Variants in CHRM3 observed in about 807,000 individuals in gnomAD.
The protein encoded by CHRM3 is cholinergic receptor muscarinic 3, also known as muscarinic acetylcholine receptor M3.
In CHRM3, 11 loss-of-function variants were observed where a neutral mutation model predicts 41.8. That is an observed-to-expected ratio of 0.26 (90% CI 0.17 to 0.44). The LOEUF (loss-of-function observed/expected upper bound fraction) is 0.44, where lower values mean the gene tolerates loss of function less well. CHRM3 is among the 20% of genes least tolerant of loss of function. The pLI is 1.00. For missense variants in CHRM3, 571 were observed against 745.4 expected (o/e 0.77, Z 2.72); for synonymous variants, 297 against 301.4 (o/e 0.99, Z 0.15).
intron 1 of CHRM3, among the ~76,000 whole-genome samples, chr1:239,437,635 C>T (rs1169727332): frequency 6.6e-6 from 1 of 152,184 alleles, no homozygotes; most frequent in Non-Finnish European, 1.5e-5. Context: ...CTCCCGAGTT[C>T]AAGCGATTCT....
At chr1:239,475,222 A>G (rs1666390841) in intron 1 of CHRM3, among the ~76,000 whole-genome samples, 2 of 152,154 alleles carry the variant, frequency 1.3e-5, no homozygotes, top group African/African-American at 4.8e-5. Flanking sequence ...TGTGAAGGAT[A>G]GTTTCAAGTA....
At chr1:239,467,899 A>AT (rs1553307050) in intron 1 of CHRM3, among the ~76,000 whole-genome samples, 36 of 129,262 alleles carry the variant, frequency 2.8e-4, no homozygotes, top group African/African-American at 1.1e-3. Flanking sequence ...AATTTTCCCT[A>AT]CCCCCCCCCA....
intron 6 of CHRM3, among the ~76,000 whole-genome samples, chr1:239,901,149 C>T (rs138602048): frequency 2.5e-4 from 38 of 152,272 alleles, no homozygotes; most frequent in African/African-American, 6.3e-4. Context: ...GCATGAGGCA[C>T]GCATCTTCTT....
At chr1:239,657,286 G>A (rs935290760) in intron 4 of CHRM3, among the ~76,000 whole-genome samples, 1 of 152,184 alleles carries the variant, frequency 6.6e-6, no homozygotes, top group African/African-American at 2.4e-5. Context: ...CTACATTACT[G>A]CCATTGTAAA....
intron 3 of CHRM3, among the ~76,000 whole-genome samples, chr1:239,631,807 G>A (rs190284238): frequency 6.6e-6 from 1 of 152,250 alleles, no homozygotes; most frequent in East Asian, 1.9e-4. Flanking sequence ...GGTAGCAAAT[G>A]GAATACTTGT....
At chr1:239,674,689 G>T (rs193211629) in intron 4 of CHRM3, among the ~76,000 whole-genome samples, 199 of 124,920 alleles carry the variant, frequency 1.6e-3, no homozygotes, top group South Asian at 4.1e-3. Flanking sequence ...CAGCCTGAGC[G>T]ACAGACTGAG....
chr1:239,799,466 A>T (rs1216269206), intron 5 of CHRM3, among the ~76,000 whole-genome samples: 1 of 152,058 alleles, frequency 6.6e-6, no homozygotes, highest in Non-Finnish European at 1.5e-5. Context: ...GATTCAGAGG[A>T]ACCAGGAAGC....
chr1:239,645,097 C>T (rs1671625311), intron 4 of CHRM3, among the ~76,000 whole-genome samples: 2 of 152,304 alleles, frequency 1.3e-5, no homozygotes, highest in African/African-American at 4.8e-5. Flanking sequence ...ATCTGGATGG[C>T]AGAGCCGCCC....
At chr1:239,712,378 G>A (rs1281657142) in intron 5 of CHRM3, among the ~76,000 whole-genome samples, 4 of 152,116 alleles carry the variant, frequency 2.6e-5, no homozygotes, top group Admixed American at 2.6e-4. Flanking sequence ...TTATTTGAAA[G>A]TCATTTCTTA....
chr1:239,887,282 A>G lies in CHRM3; in HGVS notation c.-19-20151A>G, dbSNP rs553850485. Among the ~76,000 whole-genome samples, 8 of 151,930 alleles carry G rather than the reference A, an allele frequency of 5.3e-5. No homozygotes were observed. The South Asian group carries it at 1.7e-3, about 32-fold the overall frequency. On this transcript the variant is annotated intron_variant, in intron 6 of 6. Transcript: ENST00000676153. Reference sequence around the variant, plus strand: ...AGTGGGGCAAGCTCAGCTCACTGCAACCTCCACCTCCTGGGTTCAAGCGAT... The same window carrying G: ...AGTGGGGCAAGCTCAGCTCACTGCAGCCTCCACCTCCTGGGTTCAAGCGAT...
chr1:239,509,187 G>T (rs1307441729), intron 2 of CHRM3, among the ~76,000 whole-genome samples: 1 of 152,240 alleles, frequency 6.6e-6, no homozygotes, highest in Non-Finnish European at 1.5e-5. Flanking sequence ...GTGAAAATGT[G>T]CAGGGGAAGA....
intron 1 of CHRM3, among the ~76,000 whole-genome samples, chr1:239,412,448 G>A (rs1197670721): frequency 6.8e-6 from 1 of 146,394 alleles, no homozygotes; most frequent in African/African-American, 2.6e-5. Flanking sequence ...ATAGTCTTGG[G>A]GTTTCCTTCA....
intron 1 of CHRM3, among the ~76,000 whole-genome samples, chr1:239,456,844 C>T (rs937367829): frequency 9.9e-5 from 15 of 152,222 alleles, no homozygotes; most frequent in African/African-American, 2.4e-5. Flanking sequence ...GTGAAGAGAG[C>T]TCTGAGCAGA....
At chr1:239,531,964 T>G (rs1174856843) in intron 2 of CHRM3, among the ~76,000 whole-genome samples, 4 of 139,810 alleles carry the variant, frequency 2.9e-5, no homozygotes, top group African/African-American at 1.1e-4. Flanking sequence ...TGGCCTAGAA[T>G]GGATATTTAA....
chr1:239,901,731 C>T (rs557192713), intron 6 of CHRM3, among the ~76,000 whole-genome samples: 2 of 152,044 alleles, frequency 1.3e-5, no homozygotes, highest in African/African-American at 4.8e-5. Flanking sequence ...TATGAATGAC[C>T]TCATTTTTGA....
intron 1 of CHRM3, among the ~76,000 whole-genome samples, chr1:239,468,762 A>G (rs1377570823): frequency 2.0e-5 from 3 of 152,160 alleles, no homozygotes; most frequent in African/African-American, 2.4e-5. Context: ...CTTTTTATGT[A>G]CTAAAACCAT....
At chr1:239,453,893 G>A (rs1664742108) in intron 1 of CHRM3, among the ~76,000 whole-genome samples, 2 of 152,112 alleles carry the variant, frequency 1.3e-5, no homozygotes, top group Admixed American at 1.3e-4. Flanking sequence ...GAAGGGAGAG[G>A]GGAAGCAATG....
intron 5 of CHRM3, among the ~76,000 whole-genome samples, chr1:239,786,324 T>C (rs1260413863): frequency 6.6e-6 from 1 of 152,158 alleles, no homozygotes; most frequent in Non-Finnish European, 1.5e-5. Context: ...TAATAATAAT[T>C]ACCTATACTT....
intron 2 of CHRM3, among the ~76,000 whole-genome samples, chr1:239,501,892 A>G (rs963487228): frequency 1.3e-5 from 2 of 152,124 alleles, no homozygotes; most frequent in African/African-American, 4.8e-5. Flanking sequence ...CAGTAATGAC[A>G]CAACCTATCA....
Sources: allele counts gnomAD v4.1 joint callset (sites outside exome capture counted in the v4.1 genomes callset), GRCh38; gene constraint gnomAD v4.1.1; transcripts MANE v1.5; gene names NCBI Gene and HGNC (gene_info 2026-07-23, HGNC 2026-07-21).